Variants in BAIAP2L1 observed in about 807,000 individuals in gnomAD.
BAIAP2L1 encodes BAR/IMD domain-containing adapter protein 2-like 1.
A neutral mutation model predicts 66.3 loss-of-function variants in BAIAP2L1; 35 were observed. The observed-to-expected ratio is 0.53, with a 90% CI of 0.40 to 0.70. The LOEUF is 0.70. BAIAP2L1 is among the 30% of genes least tolerant of loss of function. The pLI, the probability that BAIAP2L1 is intolerant of heterozygous loss-of-function variation, is 0.00. For missense variants in BAIAP2L1, 622 were observed against 656.9 expected (o/e 0.95, Z 0.58); for synonymous variants, 269 against 248.7 (o/e 1.08, Z -0.77).
chr7:98,390,744 A>G (rs1345187162), intron 1 of BAIAP2L1, among the ~76,000 whole-genome samples: 1 of 152,076 alleles, frequency 6.6e-6, no homozygotes, highest in Non-Finnish European at 1.5e-5. Context: ...AAAAAAACAA[A>G]AAACAAAACC....
intron 3 of BAIAP2L1, among the ~76,000 whole-genome samples, chr7:98,333,423 C>A (rs1801546400): frequency 6.6e-6 from 1 of 151,952 alleles, no homozygotes; most frequent in Non-Finnish European, 1.5e-5. Context: ...CTTGGTGAAA[C>A]CTCACCTCTA....
chr7:98,359,757 T>TTG (rs1562784056), intron 2 of BAIAP2L1, among the ~76,000 whole-genome samples: 1 of 149,314 alleles, frequency 6.7e-6, no homozygotes, highest in Non-Finnish European at 1.5e-5. Context: ...TTTTTTTTTT[T>TTG]TTTTTTTTTT....
chr7:98,300,790 G>A (rs1200436633), intron 12 of BAIAP2L1, among the ~76,000 whole-genome samples: 1 of 152,128 alleles, frequency 6.6e-6, no homozygotes, highest in African/African-American at 2.4e-5. Context: ...CCAGGCAGCA[G>A]TGTGGAGGCT....
chr7:98,393,736 C>A (rs539397930), intron 1 of BAIAP2L1, among the ~76,000 whole-genome samples: 4 of 151,244 alleles, frequency 2.6e-5, no homozygotes, highest in African/African-American at 9.7e-5. Context: ...CCGCCCGCCT[C>A]GGCCTCCCAA....
intron 12 of BAIAP2L1, among the ~76,000 whole-genome samples, chr7:98,295,950 G>A (rs949929886): frequency 2.6e-5 from 4 of 152,186 alleles, no homozygotes; most frequent in Admixed American, 2.6e-4. Flanking sequence ...GTGCACGCAT[G>A]CCTGGGGCCC....
At chr7:98,391,000 ATT>A (rs10538495) in intron 1 of BAIAP2L1, among the ~76,000 whole-genome samples, 55,163 of 144,146 alleles carry the variant, frequency 0.38, 11,746 homozygotes, top group Middle Eastern at 0.54. Context: ...CACCCAGCTA[ATT>A]TTTTTTTTTT....
chr7:98,383,058 G>C (rs1802795531), intron 1 of BAIAP2L1, among the ~76,000 whole-genome samples: 1 of 152,020 alleles, frequency 6.6e-6, no homozygotes. Context: ...AGCTACTTGG[G>C]AGGGTGAGGC....
Position 98,304,376 on chromosome 7 carries a change from G to A in BAIAP2L1, c.1242C>T (p.Ser414=). 6.2e-7 allele frequency: 1 copy of A among 1,613,062 alleles called. No individual in the cohort carries two copies. The highest frequency in any genetic ancestry group is 1.1e-5 in the South Asian group (1 of 90,846). Residue 414 remains serine (S), a splice_region_variant and synonymous_variant, in exon 12 of 14, where the codon AGC becomes AGT. Coordinates refer to ENST00000005260, the MANE Select transcript of BAIAP2L1 (RefSeq NM_018842.5). ...ETEAVTVPTP[S]PTPVRSISTV... is the part of the protein sequence containing the mutation. ...TGCTGATGCTTCTCACTGGTGTGGG[G>A]CTCAAACCCAAAAAGGACACAGCAC... is the stretch of plus-strand genomic sequence containing the variant.
intron 1 of BAIAP2L1, among the ~76,000 whole-genome samples, chr7:98,379,029 C>T (rs923665271): frequency 6.6e-6 from 1 of 152,038 alleles, no homozygotes; most frequent in African/African-American, 2.4e-5. Context: ...CTGGGTTTCA[C>T]CGTGTTAGCC....
Position 98,312,095 on chromosome 7 carries a change from AC to A in BAIAP2L1, c.807+1del. The A allele has an allele frequency of 1.3e-6, 2 of 1,591,436 alleles. No individual in the cohort carries two copies. Among genetic ancestry groups the A allele is most frequent in the Non-Finnish European group, 1.7e-6 (2 of 1,171,066 alleles). The stretch of plus-strand genomic sequence containing the variant: ...AATCTGGAAGAGAAAACTGGCTCCT[AC>A]CACATTGCTTCTCTCGATCATGGGT... On this transcript the variant is annotated splice_donor_variant, in intron 8 of 13. Coordinates refer to ENST00000005260, the MANE Select transcript of BAIAP2L1 (RefSeq NM_018842.5). LOFTEE classifies it high-confidence loss of function.
chr7:98,337,048 G>C (rs990864887), intron 3 of BAIAP2L1, among the ~76,000 whole-genome samples: 1 of 152,086 alleles, frequency 6.6e-6, no homozygotes, highest in Non-Finnish European at 1.5e-5. Context: ...CCTGAATTTC[G>C]TATTTCCATT....
At chr7:98,352,069 T>A (rs574653449) in intron 3 of BAIAP2L1, among the ~76,000 whole-genome samples, 11 of 145,498 alleles carry the variant, frequency 7.6e-5, no homozygotes, top group African/African-American at 2.7e-4. Context: ...AAAAATACAA[T>A]CTATCTTTGG....
intron 1 of BAIAP2L1, among the ~76,000 whole-genome samples, chr7:98,367,561 A>ATTTCC: frequency 9.3e-6 from 1 of 107,224 alleles, no homozygotes; most frequent in Admixed American, 1.2e-4. Flanking sequence ...TGTGAGACGG[A>ATTTCC]GTCTCGCTCT....
At chr7:98,339,365 A>C (rs961499943) in intron 3 of BAIAP2L1, among the ~76,000 whole-genome samples, 3 of 152,204 alleles carry the variant, frequency 2.0e-5, no homozygotes, top group Non-Finnish European at 4.4e-5. Flanking sequence ...CTAATGGCTA[A>C]TGATGTTGCG....
At chr7:98,367,769 T>TG (rs1235448825) in intron 1 of BAIAP2L1, among the ~76,000 whole-genome samples, 1 of 151,916 alleles carries the variant, frequency 6.6e-6, no homozygotes, top group Admixed American at 6.6e-5. Context: ...CCTGACCTTG[T>TG]GATCCACTGC....
intron 7 of BAIAP2L1, among the ~76,000 whole-genome samples, chr7:98,313,742 C>T (rs1245256945): frequency 6.6e-6 from 1 of 151,934 alleles, no homozygotes; most frequent in African/African-American, 2.4e-5. Flanking sequence ...CCTCAGCCTC[C>T]TGAGTAGCTG....
chr7:98,373,931 G>A (rs183856860), intron 1 of BAIAP2L1, among the ~76,000 whole-genome samples: 1 of 152,228 alleles, frequency 6.6e-6, no homozygotes, highest in East Asian at 1.9e-4. Context: ...AAGGTGTTAT[G>A]ATCTTCTGCT....
chr7:98,376,531 A>G (rs1371992183), intron 1 of BAIAP2L1, among the ~76,000 whole-genome samples: 1 of 148,110 alleles, frequency 6.8e-6, no homozygotes, highest in Non-Finnish European at 1.5e-5. Flanking sequence ...AAACAAAACC[A>G]ACCCATTGGC....
At chr7:98,298,096 A>G (rs1454910734) in intron 12 of BAIAP2L1, among the ~76,000 whole-genome samples, 1 of 152,082 alleles carries the variant, frequency 6.6e-6, no homozygotes, top group Non-Finnish European at 1.5e-5. Context: ...ATATCACGTG[A>G]CCTGTGGCAA....
Sources: allele counts gnomAD v4.1 joint callset (sites outside exome capture counted in the v4.1 genomes callset), GRCh38; gene constraint gnomAD v4.1.1; transcripts MANE v1.5; gene names NCBI Gene and HGNC (gene_info 2026-07-23, HGNC 2026-07-21).